CEP128: variants seen among roughly 807,000 people sequenced by gnomAD.
CEP128 encodes the protein centrosomal protein 128kDa.
In CEP128, 132 loss-of-function variants were observed where a neutral mutation model predicts 156.7. The observed-to-expected ratio is 0.84, with a 90% CI of 0.73 to 0.97. The LOEUF is 0.97. Among genes scored for constraint, CEP128 ranks in the 50% least tolerant of loss-of-function variants. CEP128 has a pLI of 0.00. For missense variants in CEP128, 1,252 were observed against 1,281.9 expected (o/e 0.98, Z 0.36); for synonymous variants, 469 against 448.9 (o/e 1.04, Z -0.57).
chr14:80,690,993 T>C (rs1896703037), intron 19 of CEP128, among the ~76,000 whole-genome samples: 1 of 152,164 alleles, frequency 6.6e-6, no homozygotes, highest in South Asian at 2.1e-4. Context: ...GTAATGTTTT[T>C]CCTATTCCTC....
rs189032694 is a variant in CEP128, at chr14:80,736,942, T to C, written c.2806+6133A>G. 9.1e-4 allele frequency among the ~76,000 whole-genome samples: 138 copies of C among 152,344 alleles called. 2 individuals carry two copies. In the Middle Eastern group the frequency reaches 0.014, roughly 15 times the overall value. ...AGTTTAACTTCAATCCCTGTTGACC[T>C]AGGCTGGATTTCAATTCATAACAGA... is the stretch of plus-strand genomic sequence containing the variant. On this transcript the variant is annotated intron_variant, in intron 19 of 24. Transcript: ENST00000555265.
chr14:80,651,865 G>A (rs551245784), intron 19 of CEP128, among the ~76,000 whole-genome samples: 16 of 152,082 alleles, frequency 1.1e-4, no homozygotes, highest in Non-Finnish European at 2.4e-4. Context: ...AATAGGTGCA[G>A]TGTGGTGCTG....
At position 80,895,798 on chromosome 14, in the gene CEP128, GAAA is replaced by G. The variant is rs397973196; in HGVS notation, c.573-11_573-9del. 142 of 1,262,408 alleles carry G rather than the reference GAAA, an allele frequency of 1.1e-4. No individual in the cohort carries two copies. Among genetic ancestry groups the G allele is most frequent in the Admixed American group, 2.0e-4 (6 of 29,334 alleles). The allele number at this position is 1,262,408 out of a possible 1,614,324, so 78.2% of individuals were successfully genotyped here. On this transcript the variant is annotated splice_polypyrimidine_tract_variant and intron_variant, in intron 7 of 24. Coordinates refer to ENST00000555265, the MANE Select transcript of CEP128 (RefSeq NM_152446.5). ...TTTGTTTCGGCATCTGACCTAGGAA[GAAA>G]AAAAAAAAAAAGATTTAAATTTGGA...
intron 2 of CEP128, among the ~76,000 whole-genome samples, chr14:80,953,442 G>C (rs1886510560): frequency 6.6e-6 from 1 of 152,100 alleles, no homozygotes; most frequent in Non-Finnish European, 1.5e-5. Context: ...AAAATTAACC[G>C]GGCGTGGTGG....
At chr14:80,558,181 T>C (rs978798038) in intron 21 of CEP128, among the ~76,000 whole-genome samples, 2 of 152,192 alleles carry the variant, frequency 1.3e-5, no homozygotes, top group Non-Finnish European at 2.9e-5. Context: ...CCATTTTATA[T>C]CTTGAAATTT....
intron 19 of CEP128, among the ~76,000 whole-genome samples, chr14:80,642,714 A>C (rs1158848337): frequency 1.3e-5 from 2 of 152,086 alleles, no homozygotes; most frequent in African/African-American, 4.8e-5. Flanking sequence ...ACTTGTAAGA[A>C]ATGTTTCATT....
At chr14:80,601,452 C>T (rs971009860) in intron 19 of CEP128, among the ~76,000 whole-genome samples, 1 of 152,008 alleles carries the variant, frequency 6.6e-6, no homozygotes, top group African/African-American at 2.4e-5. Context: ...ACAAAAATCA[C>T]AAAAAAATCT....
rs533948813 is a variant in CEP128 at position 80,806,221 on chromosome 14, C to T, written c.1210-13111G>A. 9.9e-5 allele frequency among the ~76,000 whole-genome samples: 15 copies of T among 152,228 alleles called. No individual in the cohort carries two copies. In the South Asian group the frequency reaches 1.7e-3, roughly 17 times the overall value. On this transcript the variant is annotated intron_variant, in intron 13 of 24. Coordinates refer to ENST00000555265, the MANE Select transcript of CEP128 (RefSeq NM_152446.5). ...AATAGTTATTTCCAAACAAATCCTA[C>T]GAGAGGCTTCATACAACCTCTTTGT...
chr14:80,540,497 G>A (rs1243090831), intron 21 of CEP128, among the ~76,000 whole-genome samples: 1 of 152,236 alleles, frequency 6.6e-6, no homozygotes, highest in Non-Finnish European at 1.5e-5. Flanking sequence ...CCAGGTAGGA[G>A]CTTGCAGCCA....
intron 13 of CEP128, among the ~76,000 whole-genome samples, chr14:80,829,658 G>T (rs1885675555): frequency 1.3e-5 from 2 of 152,188 alleles, no homozygotes. Context: ...TTAGAACAGT[G>T]TCTGGCATGT....
At chr14:80,725,257 ACTGCAAC>A (rs995764452) in intron 19 of CEP128, among the ~76,000 whole-genome samples, 16 of 149,924 alleles carry the variant, frequency 1.1e-4, no homozygotes, top group African/African-American at 3.2e-4. Flanking sequence ...ATCTCGGCTC[ACTGCAAC>A]CTTCACCTCC....
chr14:80,527,349 T>A (rs974539864), intron 22 of CEP128: 2 of 334,262 alleles, frequency 6.0e-6, no homozygotes, highest in Non-Finnish European at 1.2e-5. Context: ...AGAATGAGGA[T>A]TGCTTGAGCC....
chr14:80,914,460 A>G (rs1884432763), intron 3 of CEP128, 52 bp from the exon 4 acceptor site: 1 of 1,371,510 alleles, frequency 7.3e-7, no homozygotes, highest in Non-Finnish European at 1.0e-6. Context: ...TTTTTTTCCT[A>G]ATCAATCTTA....
At chr14:80,884,535 T>C (rs55859624) in intron 8 of CEP128, among the ~76,000 whole-genome samples, 18,539 of 152,044 alleles carry the variant, frequency 0.12, 1,587 homozygotes, top group East Asian at 0.44. Context: ...GGGCATTGCC[T>C]CACCGGGGAA....
chr14:80,799,834 T>C (rs901678384), intron 13 of CEP128, among the ~76,000 whole-genome samples: 3 of 152,154 alleles, frequency 2.0e-5, no homozygotes, highest in African/African-American at 4.8e-5. Flanking sequence ...TTATTTAAGA[T>C]GTTTATCAAG....
At chr14:80,481,978 G>C (rs900844904) in intron 14 of CEP128, among the ~76,000 whole-genome samples, 2 of 152,202 alleles carry the variant, frequency 1.3e-5, no homozygotes, top group Non-Finnish European at 2.9e-5. Flanking sequence ...TTTAAAACCT[G>C]ACCAAAATTC....
chr14:80,784,421 AG>A (rs1901287980), intron 15 of CEP128, among the ~76,000 whole-genome samples: 1 of 152,174 alleles, frequency 6.6e-6, no homozygotes, highest in Non-Finnish European at 1.5e-5. Context: ...GATCCCAATT[AG>A]GCATTTACCC....
At chr14:80,526,119 G>A (rs1266096183) in intron 23 of CEP128, among the ~76,000 whole-genome samples, 1 of 152,060 alleles carries the variant, frequency 6.6e-6, no homozygotes, top group Admixed American at 6.6e-5. Flanking sequence ...GACATTTTTC[G>A]ATGTTACAAC....
At chr14:80,709,476 T>A (rs1165398029) in intron 19 of CEP128, among the ~76,000 whole-genome samples, 1 of 152,164 alleles carries the variant, frequency 6.6e-6, no homozygotes, top group Non-Finnish European at 1.5e-5. Context: ...AGCATTAACC[T>A]TTTCACTTCT....
Sources: allele counts gnomAD v4.1 joint callset (sites outside exome capture counted in the v4.1 genomes callset), GRCh38; gene constraint gnomAD v4.1.1; transcripts MANE v1.5; gene names NCBI Gene and HGNC (gene_info 2026-07-23, HGNC 2026-07-21).